The following TATDN3 variants were observed in gnomAD, a reference collection of about 807,000 sequenced individuals.
The protein encoded by TATDN3 is deoxyribonuclease TATDN3.
Under a neutral mutation model 40.1 loss-of-function variants are expected in TATDN3, and 29 were observed. The observed-to-expected ratio is 0.72, with a 90% confidence interval of 0.54 to 0.99. The LOEUF (loss-of-function observed/expected upper bound fraction) is 0.99. Among genes scored for constraint, TATDN3 ranks in the 50% least tolerant of loss-of-function variants. The pLI, the probability that TATDN3 is intolerant of heterozygous loss-of-function variation, is 0.00. For missense variants in TATDN3, 309 were observed against 321.9 expected (o/e 0.96, Z 0.31); for synonymous variants, 105 against 117.0 (o/e 0.90, Z 0.66).
intron 8 of TATDN3, among the ~76,000 whole-genome samples, chr1:212,811,034 G>A (rs1035567045): frequency 4.6e-5 from 7 of 152,164 alleles, no homozygotes; most frequent in African/African-American, 1.7e-4. Context: ...CCAGGCTGGG[G>A]TGCAGTGATG....
chr1:212,802,023 T>C (rs1291812351), intron 4 of TATDN3, among the ~76,000 whole-genome samples: 2 of 152,218 alleles, frequency 1.3e-5, no homozygotes, highest in Non-Finnish European at 2.9e-5. Context: ...ATTTGCAATG[T>C]AGTCTAAAAG....
chr1:212,802,405 A>C (rs545792385), intron 4 of TATDN3, among the ~76,000 whole-genome samples: 1 of 152,228 alleles, frequency 6.6e-6, no homozygotes, highest in African/African-American at 2.4e-5. Flanking sequence ...CAGAATGTCC[A>C]AATGCCTCCT....
intron 7 of TATDN3, among the ~76,000 whole-genome samples, chr1:212,806,370 T>TC (rs67263404): frequency 1.5e-4 from 9 of 58,468 alleles, no homozygotes; most frequent in African/African-American, 2.4e-4. Flanking sequence ...CTCTCTCTCT[T>TC]TTTTTTTTTT....
chr1:212,796,859 C>T, intron 3 of TATDN3: 1 of 472,872 alleles, frequency 2.1e-6, no homozygotes, highest in South Asian at 4.1e-5. Flanking sequence ...GCCTCAGCCT[C>T]CCAAGTAGCT....
At chr1:212,796,979 A>G in intron 3 of TATDN3, 133 bp from the exon 4 acceptor site, 1 of 658,718 alleles carries the variant, frequency 1.5e-6, no homozygotes, top group Non-Finnish European at 2.7e-6. Flanking sequence ...TAAGTGATCC[A>G]CCTGGTTCAG....
chr1:212,792,050 A>G lies in TATDN3; in HGVS notation c.66+63A>G, dbSNP rs577834282. 310 of 1,533,744 alleles carry G rather than the reference A, an allele frequency of 2.0e-4. 1 individual carries two copies. In the South Asian group the frequency reaches 3.2e-3, roughly 16 times the overall value. The stretch of plus-strand genomic sequence containing the variant: ...GGCCCCCGTCCTTTCCCCTCGTGTT[A>G]TCTTTGCTCTCCTCCCTTGGGACGA... On this transcript the variant is annotated intron_variant, in intron 1 of 9. Coordinates refer to ENST00000366974, the MANE Select transcript of TATDN3 (RefSeq NM_001042552.3).
At chr1:212,813,692 G>C (rs1490172863) in intron 9 of TATDN3, among the ~76,000 whole-genome samples, 5 of 150,412 alleles carry the variant, frequency 3.3e-5, no homozygotes, top group African/African-American at 1.2e-4. Context: ...TACCATGCCT[G>C]GCTACTTGTT....
intron 3 of TATDN3, 145 bp from the exon 4 acceptor site, chr1:212,796,967 C>T (rs1571950090): frequency 1.6e-6 from 1 of 613,530 alleles, no homozygotes; most frequent in Non-Finnish European, 2.9e-6. Flanking sequence ...AACTCCTGGC[C>T]TTAAGTGATC....
At chr1:212,804,672 A>G in intron 7 of TATDN3, 21 bp downstream of exon 7, 1 of 1,601,266 alleles carries the variant, frequency 6.2e-7, no homozygotes, top group Non-Finnish European at 8.5e-7. Context: ...TCCTGAGAAA[A>G]ATAGGCCTAA....
intron 8 of TATDN3, among the ~76,000 whole-genome samples, chr1:212,811,098 T>G (rs1319300714): frequency 6.6e-6 from 1 of 152,076 alleles, no homozygotes; most frequent in Admixed American, 6.6e-5. Flanking sequence ...TTCTCCTGCC[T>G]CAGCCTTCCG....
intron 7 of TATDN3, among the ~76,000 whole-genome samples, chr1:212,807,189 C>T (rs1253009223): frequency 6.6e-6 from 1 of 151,698 alleles, no homozygotes; most frequent in Non-Finnish European, 1.5e-5. Context: ...CAGGTGATCG[C>T]CCACCTCGGC....
At chr1:212,797,083 T>G (rs1558076480) in intron 3 of TATDN3, 29 bp from the exon 4 acceptor site, 1 of 1,564,286 alleles carries the variant, frequency 6.4e-7, no homozygotes, top group Non-Finnish European at 8.8e-7. Context: ...CTACTGTTCC[T>G]GCTTTCTCAG....
In TATDN3 at chr1:212,806,783, T is replaced by TATATATATATACAC. The variant is rs796710955; in HGVS notation, c.488-952_488-951insTATATATATACACA. ...ATATATATATATATATATATATATA[T>TATATATATATACAC]ACACACACACACACACATATATACA... On this transcript the variant is annotated intron_variant, in intron 7 of 9. Transcript: ENST00000366974. 2.3e-4 allele frequency among the ~76,000 whole-genome samples: 18 copies of TATATATATATACAC among 79,520 alleles called. 1 individual carries two copies. The highest frequency in any genetic ancestry group is 5.5e-4 in the Admixed American group (3 of 5,446). 52.2% of individuals were successfully genotyped at this position (79,520 alleles called of 152,430 possible).
At chr1:212,810,926 T>A (rs1054380345) in intron 8 of TATDN3, among the ~76,000 whole-genome samples, 1 of 152,184 alleles carries the variant, frequency 6.6e-6, no homozygotes, top group Non-Finnish European at 1.5e-5. Context: ...AATTAGTGTT[T>A]ATATTTTAAC....
At chr1:212,792,560 A>G (rs1661403393) in intron 1 of TATDN3, among the ~76,000 whole-genome samples, 2 of 144,924 alleles carry the variant, frequency 1.4e-5, no homozygotes, top group African/African-American at 5.2e-5. Context: ...GCTGGAGCCC[A>G]GGAGGTGGAG....
At chr1:212,814,047 T>A (rs1207889173) in intron 9 of TATDN3, among the ~76,000 whole-genome samples, 1 of 151,956 alleles carries the variant, frequency 6.6e-6, no homozygotes, top group Admixed American at 6.6e-5. Flanking sequence ...CTCAAACTCC[T>A]AAGCTCAAGT....
intron 8 of TATDN3, among the ~76,000 whole-genome samples, chr1:212,811,156 T>A (rs1315171600): frequency 1.3e-5 from 2 of 151,330 alleles, no homozygotes; most frequent in Non-Finnish European, 3.0e-5. Context: ...CTAATTTTTG[T>A]ATTTTTTTTT....
chr1:212,813,576 T>G (rs1663020397), intron 9 of TATDN3, among the ~76,000 whole-genome samples: 1 of 150,882 alleles, frequency 6.6e-6, no homozygotes, highest in Non-Finnish European at 1.5e-5. Flanking sequence ...CTTTTTTTTT[T>G]TTTTTTTGAG....
chr1:212,798,214 T>C (rs1186407370), intron 4 of TATDN3, among the ~76,000 whole-genome samples: 1 of 151,848 alleles, frequency 6.6e-6, no homozygotes, highest in Admixed American at 6.6e-5. Context: ...TAGTCCCAGC[T>C]ACTCGGGAGA....
Sources: allele counts gnomAD v4.1 joint callset (sites outside exome capture counted in the v4.1 genomes callset), GRCh38; gene constraint gnomAD v4.1.1; transcripts MANE v1.5; gene names NCBI Gene and HGNC (gene_info 2026-07-23, HGNC 2026-07-21).